The following KHDRBS2 variants were observed in gnomAD, a reference collection of about 807,000 sequenced individuals.
KHDRBS2 encodes KH domain-containing, RNA-binding, signal transduction-associated protein 2.
A neutral mutation model predicts 44.3 loss-of-function variants in KHDRBS2; 26 were observed. The ratio of observed to expected loss-of-function variants is 0.59; its 90% CI spans 0.43 to 0.81. KHDRBS2 has a LOEUF of 0.81. Among genes scored for constraint, KHDRBS2 ranks in the 40% least tolerant of loss-of-function variants. The pLI is 0.00. For missense variants in KHDRBS2, 476 were observed against 433.1 expected (o/e 1.10, Z -0.88); for synonymous variants, 194 against 151.1 (o/e 1.28, Z -2.08).
At chr6:62,283,104 T>C (rs981974355) in intron 1 of KHDRBS2, among the ~76,000 whole-genome samples, 1 of 152,134 alleles carries the variant, frequency 6.6e-6, no homozygotes, top group Non-Finnish European at 1.5e-5. Context: ...GCACCTACCA[T>C]AACAAGTGGA....
At chr6:61,629,417 C>A in the KHDRBS2 span, among the ~76,000 whole-genome samples, 1 of 152,004 alleles carries the variant, frequency 6.6e-6, no homozygotes, top group Non-Finnish European at 1.5e-5. Flanking sequence ...TAACTGAAGA[C>A]GAAATATTAG....
chr6:61,588,980 C>T, the KHDRBS2 span, among the ~76,000 whole-genome samples: 1 of 152,028 alleles, frequency 6.6e-6, no homozygotes, highest in East Asian at 1.9e-4. Context: ...AAACCAAATG[C>T]TGCATGTTCT....
At chr6:61,722,656 C>T (rs1772842083) in intron 7 of KHDRBS2, among the ~76,000 whole-genome samples, 1 of 151,816 alleles carries the variant, frequency 6.6e-6, no homozygotes. Context: ...TGTGACAGTG[C>T]TCATATAATA....
chr6:62,211,036 T>C (rs1198595470), intron 1 of KHDRBS2, among the ~76,000 whole-genome samples: 2 of 152,134 alleles, frequency 1.3e-5, no homozygotes, highest in East Asian at 3.8e-4. Flanking sequence ...CAAACACCCA[T>C]ACACAGTTCC....
At chr6:62,208,361 C>A (rs1563065928) in intron 1 of KHDRBS2, among the ~76,000 whole-genome samples, 1 of 152,132 alleles carries the variant, frequency 6.6e-6, no homozygotes, top group African/African-American at 2.4e-5. Flanking sequence ...TCCCAAGTAG[C>A]TGGGACTACA....
intron 1 of KHDRBS2, among the ~76,000 whole-genome samples, chr6:62,249,795 G>C (rs1467914848): frequency 1.3e-5 from 2 of 151,988 alleles, no homozygotes; most frequent in East Asian, 1.9e-4. Context: ...TTTAGGAAAA[G>C]AACATGCTCT....
At chr6:62,034,307 A>G (rs1784865150) in intron 3 of KHDRBS2, among the ~76,000 whole-genome samples, 1 of 151,954 alleles carries the variant, frequency 6.6e-6, no homozygotes, top group South Asian at 2.1e-4. Flanking sequence ...GGAGAAACGA[A>G]TACTAACAGA....
chr6:61,612,892 G>A, the KHDRBS2 span, among the ~76,000 whole-genome samples: 2 of 120,372 alleles, frequency 1.7e-5, no homozygotes, highest in Non-Finnish European at 3.2e-5. Flanking sequence ...TTGCTCTGTC[G>A]CCCAGGCTGG....
chr6:61,599,447 G>T, the KHDRBS2 span, among the ~76,000 whole-genome samples: 1 of 148,794 alleles, frequency 6.7e-6, no homozygotes, highest in African/African-American at 2.4e-5. Flanking sequence ...TTAAAAGTGG[G>T]TGCAGAAGAT....
chr6:62,112,928 G>T (rs1805353162), intron 2 of KHDRBS2, among the ~76,000 whole-genome samples: 1 of 152,064 alleles, frequency 6.6e-6, no homozygotes, highest in African/African-American at 2.4e-5. Flanking sequence ...AGTTGTGTTG[G>T]CTCTCTCTTC....
intron 6 of KHDRBS2, among the ~76,000 whole-genome samples, chr6:61,880,867 C>G (rs1173428345): frequency 6.6e-6 from 1 of 151,880 alleles, no homozygotes; most frequent in Non-Finnish European, 1.5e-5. Flanking sequence ...AATCCTGTTT[C>G]CAAAAAGAAA....
At chr6:61,714,077 C>A (rs7775168) in intron 7 of KHDRBS2, among the ~76,000 whole-genome samples, 1 of 151,450 alleles carries the variant, frequency 6.6e-6, no homozygotes, top group Non-Finnish European at 1.5e-5. Flanking sequence ...TTCTGCACAG[C>A]AAAATAAATA....
the KHDRBS2 span, among the ~76,000 whole-genome samples, chr6:61,582,753 A>G: frequency 6.6e-6 from 1 of 151,590 alleles, no homozygotes; most frequent in Admixed American, 6.6e-5. Context: ...GCTTTAAGAT[A>G]TATATGGTTG....
At chr6:61,773,325 T>C (rs1781319687) in intron 6 of KHDRBS2, among the ~76,000 whole-genome samples, 1 of 152,090 alleles carries the variant, frequency 6.6e-6, no homozygotes, top group Non-Finnish European at 1.5e-5. Context: ...TTTTTAATGA[T>C]CGCCATTCTA....
intron 6 of KHDRBS2, among the ~76,000 whole-genome samples, chr6:61,790,418 A>C (rs1346270895): frequency 6.6e-6 from 1 of 151,308 alleles, no homozygotes; most frequent in East Asian, 1.9e-4. Context: ...AAAAAAAAAA[A>C]AAAACAGCAG....
At chr6:61,599,193 C>A in the KHDRBS2 span, among the ~76,000 whole-genome samples, 1 of 152,086 alleles carries the variant, frequency 6.6e-6, no homozygotes, top group African/African-American at 2.4e-5. Context: ...CTCGGCCTCC[C>A]AAAGTGCTGG....
At chr6:61,744,932 T>G (rs926259580) in intron 6 of KHDRBS2, among the ~76,000 whole-genome samples, 1 of 152,186 alleles carries the variant, frequency 6.6e-6, no homozygotes, top group Non-Finnish European at 1.5e-5. Flanking sequence ...CTTTCAAATC[T>G]GTTTTCCTTT....
the KHDRBS2 span, among the ~76,000 whole-genome samples, chr6:61,645,575 G>A: frequency 6.6e-6 from 1 of 151,652 alleles, no homozygotes; most frequent in South Asian, 2.1e-4. Flanking sequence ...ATAGCAGATG[G>A]ATAACCTATG....
intron 4 of KHDRBS2, among the ~76,000 whole-genome samples, chr6:61,967,947 T>C (rs200843463): frequency 3.1e-4 from 31 of 99,022 alleles, no homozygotes; most frequent in South Asian, 1.0e-3. Context: ...TATATATATA[T>C]ATATATATAT....
Sources: allele counts gnomAD v4.1 joint callset (sites outside exome capture counted in the v4.1 genomes callset), GRCh38; gene constraint gnomAD v4.1.1; transcripts MANE v1.5; gene names NCBI Gene and HGNC (gene_info 2026-07-23, HGNC 2026-07-21).